The following TTBK2 variants were observed in gnomAD, a reference collection of about 807,000 sequenced individuals.
The protein encoded by TTBK2 is tau tubulin kinase 2.
In TTBK2, 28 loss-of-function variants were observed where a neutral mutation model predicts 110.8. The observed-to-expected ratio is 0.25, with a 90% CI of 0.19 to 0.35. TTBK2 has a LOEUF of 0.35. Ranked by LOEUF, TTBK2 falls within the 10% of genes least tolerant of loss-of-function variation. The pLI is 1.00. For synonymous variants in TTBK2, 532 were observed against 527.3 expected (o/e 1.01, Z -0.12); for missense variants, 1,369 against 1,500.3 (o/e 0.91, Z 1.45).
rs1186668143 is a variant in TTBK2 at position 42,752,230 on chromosome 15, T to C, written c.3016A>G (p.Lys1006Glu). ...AAGGGAGCAGGAACAGTAGCTAGTT[T>C]CTCCTCTAGCAATTTATCAGAGGCA... ...SSASDKLLEE[K>E]LATVPAPFCE... Residue 1006 changes from lysine to glutamate, a missense_variant, in exon 14 of 15, where the codon AAA (lysine) becomes GAA (glutamate). Coordinates refer to ENST00000267890, the MANE Select transcript of TTBK2 (RefSeq NM_173500.4). The C allele has an allele frequency of 1.2e-6, 2 of 1,613,994 alleles. No individual in the cohort carries two copies. The highest frequency in any genetic ancestry group is 1.7e-6 in the Non-Finnish European group (2 of 1,179,962).
At chr15:42,781,181 G>T (rs764842858) in intron 11 of TTBK2, among the ~76,000 whole-genome samples, 6 of 151,492 alleles carry the variant, frequency 4.0e-5, no homozygotes, top group African/African-American at 2.4e-5. Flanking sequence ...TGACAAAATA[G>T]GCTTTAATGC....
chr15:42,912,867 TG>T (rs1370991692), intron 1 of TTBK2, among the ~76,000 whole-genome samples: 1 of 152,098 alleles, frequency 6.6e-6, no homozygotes, highest in Non-Finnish European at 1.5e-5. Context: ...GGCTCACGCC[TG>T]TAATCCCAGC....
chr15:42,840,199 G>A lies in TTBK2; in HGVS notation c.291+161C>T, dbSNP rs146460778. ...GACAAAGACAATTATTTCATTTTTGGAAAATCTGTATCAAGTCTGTTTAAA... is the reference window on the plus strand; with the variant it reads ...GACAAAGACAATTATTTCATTTTTGAAAAATCTGTATCAAGTCTGTTTAAA... On this transcript the variant is annotated intron_variant, in intron 4 of 14. Transcript: ENST00000267890. Among the ~76,000 whole-genome samples, 57 of 152,278 alleles carry A rather than the reference G, an allele frequency of 3.7e-4. 1 individual carries two copies. The East Asian group carries it at 0.011, about 29-fold the overall frequency.
At chr15:42,831,847 T>C (rs1567049008) in intron 4 of TTBK2, among the ~76,000 whole-genome samples, 1 of 152,210 alleles carries the variant, frequency 6.6e-6, no homozygotes, top group Non-Finnish European at 1.5e-5. Context: ...TCCCAATCTA[T>C]TCCCACAATT....
At chr15:42,786,920 G>C (rs1005247597) in intron 10 of TTBK2, among the ~76,000 whole-genome samples, 27 of 152,198 alleles carry the variant, frequency 1.8e-4, no homozygotes, top group African/African-American at 6.0e-4. Flanking sequence ...GAGTGAGAAA[G>C]TATACATAAG....
At chr15:42,905,457 A>G (rs55683827) in intron 1 of TTBK2, among the ~76,000 whole-genome samples, 311 of 152,044 alleles carry the variant, frequency 2.0e-3, no homozygotes, top group Non-Finnish European at 3.5e-3. Context: ...AGGTTTTGCC[A>G]TATTGCCCAG....
At chr15:42,830,897 C>T (rs1416133404) in intron 4 of TTBK2, among the ~76,000 whole-genome samples, 4 of 151,490 alleles carry the variant, frequency 2.6e-5, no homozygotes, top group African/African-American at 4.9e-5. Flanking sequence ...CCCAGCTACT[C>T]GGGAGGCTGA....
At position 42,745,440 on chromosome 15, in the gene TTBK2, T is replaced by G; in HGVS notation, c.*355A>C. 1 of 290,098 alleles carries G rather than the reference T, an allele frequency of 3.4e-6. No homozygotes were observed. The highest frequency in any genetic ancestry group is 6.6e-6 in the Non-Finnish European group (1 of 150,894). 18.0% of individuals were successfully genotyped at this position (290,098 alleles called of 1,614,324 possible). A position where few individuals can be genotyped will look rare whatever the true frequency, so the allele number is the denominator to read the frequency against. On this transcript the variant is annotated 3_prime_UTR_variant, in exon 15 of 15. Coordinates refer to ENST00000267890, the MANE Select transcript of TTBK2 (RefSeq NM_173500.4). ...TCACTTTTGCTATATAATCTTTGAA[T>G]TGAGGCTTAAAAAAATTAGGCAACC...
chr15:42,908,910 C>T (rs776766363), intron 1 of TTBK2, among the ~76,000 whole-genome samples: 8 of 152,132 alleles, frequency 5.3e-5, no homozygotes, highest in African/African-American at 1.9e-4. Flanking sequence ...ATAGTATATT[C>T]GTCCTGTATA....
intron 3 of TTBK2, among the ~76,000 whole-genome samples, chr15:42,842,691 G>C (rs1893269562): frequency 6.6e-6 from 1 of 150,754 alleles, no homozygotes; most frequent in Admixed American, 6.6e-5. Context: ...TTTGAGACCA[G>C]CCTGGGCAAC....
chr15:42,792,138 G>GCAAA lies in TTBK2; in HGVS notation c.980+2502_980+2505dup, dbSNP rs540396628. ...GACAGTGATAGAGTGAGACTCTGTA[G>GCAAA]CAAACAAACAAACAAAAATACTAGT... On this transcript the variant is annotated intron_variant, in intron 10 of 14. Coordinates refer to ENST00000267890, the MANE Select transcript of TTBK2 (RefSeq NM_173500.4). Among the ~76,000 whole-genome samples, 28 of 152,304 alleles carry GCAAA rather than the reference G, an allele frequency of 1.8e-4. 1 individual carries two copies. Among genetic ancestry groups the GCAAA allele is most frequent in the Admixed American group, 5.2e-4 (8 of 15,304 alleles).
At chr15:42,764,453 C>T (rs1012844238) in intron 13 of TTBK2, among the ~76,000 whole-genome samples, 1 of 152,282 alleles carries the variant, frequency 6.6e-6, no homozygotes, top group African/African-American at 2.4e-5. Flanking sequence ...CAGGAGATTA[C>T]ATCCTGCGCC....
chr15:42,860,869 G>C (rs1273746904), intron 3 of TTBK2, among the ~76,000 whole-genome samples: 1 of 151,806 alleles, frequency 6.6e-6, no homozygotes, highest in Non-Finnish European at 1.5e-5. Flanking sequence ...GGCTGGTCTT[G>C]AAGTCCTGAC....
chr15:42,822,560 A>T (rs1292200192), intron 6 of TTBK2, among the ~76,000 whole-genome samples: 1 of 152,170 alleles, frequency 6.6e-6, no homozygotes, highest in Non-Finnish European at 1.5e-5. Flanking sequence ...TTGGTGTTAG[A>T]GAAACAAATC....
At chr15:42,792,626 A>G (rs1292195010) in intron 10 of TTBK2, among the ~76,000 whole-genome samples, 5 of 152,118 alleles carry the variant, frequency 3.3e-5, no homozygotes, top group African/African-American at 1.2e-4. Flanking sequence ...CACTGGTTTT[A>G]GATCAACCTT....
At chr15:42,756,968 C>A (rs2061955847) in intron 13 of TTBK2, among the ~76,000 whole-genome samples, 1 of 152,048 alleles carries the variant, frequency 6.6e-6, no homozygotes, top group Admixed American at 6.5e-5. Context: ...AGATTCTGAG[C>A]AATTATGATA....
chr15:42,868,831 A>G (rs1288461571), intron 3 of TTBK2, among the ~76,000 whole-genome samples: 1 of 151,884 alleles, frequency 6.6e-6, no homozygotes, highest in East Asian at 1.9e-4. Context: ...ACTGCACTAC[A>G]GCCTGGACGA....
At chr15:42,775,816 G>A in intron 12 of TTBK2, 93 bp from the exon 13 acceptor site, 1 of 985,426 alleles carries the variant, frequency 1.0e-6, no homozygotes, top group South Asian at 1.8e-5. Context: ...TGGACACAAA[G>A]ATGAGAGAAA....
chr15:42,766,375 A>G (rs993216266), intron 13 of TTBK2, among the ~76,000 whole-genome samples: 2 of 150,280 alleles, frequency 1.3e-5, no homozygotes, highest in African/African-American at 4.9e-5. Flanking sequence ...CAGGAGACCT[A>G]TCTCACGTGC....
Sources: allele counts gnomAD v4.1 joint callset (sites outside exome capture counted in the v4.1 genomes callset), GRCh38; gene constraint gnomAD v4.1.1; transcripts MANE v1.5; gene names NCBI Gene and HGNC (gene_info 2026-07-23, HGNC 2026-07-21).